Variants in RANBP2 observed in about 807,000 individuals in gnomAD.
RANBP2 encodes the protein RAN binding protein 2, also known as E3 SUMO-protein ligase RanBP2.
A neutral mutation model predicts 303.6 loss-of-function variants in RANBP2; 57 were observed. That is an observed-to-expected ratio of 0.19 (90% CI 0.15 to 0.23). RANBP2 has a LOEUF of 0.23. Among genes scored for constraint, RANBP2 ranks in the 10% least tolerant of loss-of-function variants. RANBP2 has a pLI of 1.00. For synonymous variants in RANBP2, 1,167 were observed against 1,301.5 expected (o/e 0.90, Z 2.23); for missense variants, 3,138 against 3,780.8 (o/e 0.83, Z 4.46).
chr2:108,734,899 A>T (rs576129850), intron 4 of RANBP2, among the ~76,000 whole-genome samples: 1 of 151,468 alleles, frequency 6.6e-6, no homozygotes, highest in South Asian at 2.1e-4. Context: ...ACAGAACGTT[A>T]AAAAAAAATT....
At chr2:109,290,036 ACAGGGGG>A in the RANBP2 span, among the ~76,000 whole-genome samples, 1 of 152,214 alleles carries the variant, frequency 6.6e-6, no homozygotes, top group African/African-American at 2.4e-5. Context: ...TTCTATAGGT[ACAGGGGG>A]ATGCCTGGAA....
In RANBP2 at chr2:108,770,881, G is replaced by A. The variant is rs188620897; in HGVS notation, c.7850-820G>A. The stretch of plus-strand genomic sequence containing the variant: ...TGATTTGGACTAGCCACCTTGTGAG[G>A]TTTTAATAGAATGTGGCTAGGCTAC... On this transcript the variant is annotated intron_variant, in intron 20 of 28. Transcript: ENST00000283195. Among the ~76,000 whole-genome samples, 5 of 152,176 alleles carry A rather than the reference G, an allele frequency of 3.3e-5. No individual in the cohort carries two copies. The East Asian group carries it at 7.7e-4, about 24-fold the overall frequency.
At chr2:108,790,707 TAAATA>T (rs1333237995), downstream of RANBP2, among the ~76,000 whole-genome samples, 2 of 152,084 alleles carry the variant, frequency 1.3e-5, no homozygotes, top group African/African-American at 4.8e-5. Flanking sequence ...TCTCAAAAAA[TAAATA>T]AATAGGCATG....
At chr2:109,336,493 G>A in the RANBP2 span, among the ~76,000 whole-genome samples, 31 of 152,108 alleles carry the variant, frequency 2.0e-4, 2 homozygotes, top group Middle Eastern at 0.014. Context: ...CGGCTAGCAC[G>A]TGCTGAGGAC....
At chr2:109,686,435 C>T in the RANBP2 span, among the ~76,000 whole-genome samples, 3 of 152,290 alleles carry the variant, frequency 2.0e-5, no homozygotes, top group East Asian at 3.9e-4. Context: ...CTGCCTCAGC[C>T]TTTCGAGTAG....
chr2:109,162,712 C>A, the RANBP2 span, among the ~76,000 whole-genome samples: 16 of 152,340 alleles, frequency 1.1e-4, no homozygotes, highest in Middle Eastern at 3.4e-3. Flanking sequence ...TTTATAGCTG[C>A]ATGATTTATA....
chr2:109,629,302 G>GATAGATAGATAT, the RANBP2 span, among the ~76,000 whole-genome samples: 1 of 77,706 alleles, frequency 1.3e-5, no homozygotes, highest in Non-Finnish European at 2.2e-5. Context: ...CTGGCCTAAA[G>GATAGATAGATAT]ATATATATAT....
the RANBP2 span, among the ~76,000 whole-genome samples, chr2:109,183,225 G>A: frequency 1.3e-5 from 2 of 152,174 alleles, no homozygotes; most frequent in African/African-American, 4.8e-5. Context: ...CTTGTATACT[G>A]ATTCTCAAAA....
chr2:109,587,026 T>A, the RANBP2 span, among the ~76,000 whole-genome samples: 1 of 152,214 alleles, frequency 6.6e-6, no homozygotes, highest in East Asian at 1.9e-4. Flanking sequence ...TGATTCACAG[T>A]CAAGAAAGAA....
chr2:109,401,395 T>A, the RANBP2 span, among the ~76,000 whole-genome samples: 1 of 152,176 alleles, frequency 6.6e-6, no homozygotes, highest in Non-Finnish European at 1.5e-5. Flanking sequence ...GTCTCCTTCC[T>A]CCTAGAAGAG....
At chr2:109,428,522 C>T in the RANBP2 span, among the ~76,000 whole-genome samples, 1 of 152,226 alleles carries the variant, frequency 6.6e-6, no homozygotes, top group Middle Eastern at 3.2e-3. Flanking sequence ...CCCCTGGCCC[C>T]ATGCCTGACT....
chr2:109,428,048 G>A, the RANBP2 span, among the ~76,000 whole-genome samples: 3,151 of 152,336 alleles, frequency 0.021, 43 homozygotes, highest in Middle Eastern at 0.058. Flanking sequence ...CTGGCCTCCA[G>A]TGCAGCCCCT....
chr2:109,649,589 G>A, the RANBP2 span, among the ~76,000 whole-genome samples: 1 of 151,898 alleles, frequency 6.6e-6, no homozygotes, highest in Non-Finnish European at 1.5e-5. Flanking sequence ...GTAGAGATGG[G>A]GTTTCACCAT....
At chr2:109,410,831 G>T in the RANBP2 span, among the ~76,000 whole-genome samples, 1 of 143,802 alleles carries the variant, frequency 7.0e-6, no homozygotes, top group Non-Finnish European at 1.5e-5. Context: ...GCTGCACTTG[G>T]CTTTGAAGTC....
the RANBP2 span, among the ~76,000 whole-genome samples, chr2:109,138,120 ATTC>A: frequency 6.6e-6 from 1 of 152,166 alleles, no homozygotes; most frequent in African/African-American, 2.4e-5. Context: ...GGTTCAAGCT[ATTC>A]TTCTGCCTCA....
At chr2:109,467,252 T>G in the RANBP2 span, among the ~76,000 whole-genome samples, 1 of 152,206 alleles carries the variant, frequency 6.6e-6, no homozygotes, top group African/African-American at 2.4e-5. Context: ...AATCAGCTGA[T>G]GAATGCATGC....
the RANBP2 span, among the ~76,000 whole-genome samples, chr2:109,629,408 T>C: frequency 6.9e-6 from 1 of 144,434 alleles, no homozygotes; most frequent in African/African-American, 2.6e-5. Context: ...GCTTGAAAAA[T>C]TGTAAATCTT....
At chr2:108,844,181 C>G in the RANBP2 span, among the ~76,000 whole-genome samples, 1 of 151,908 alleles carries the variant, frequency 6.6e-6, no homozygotes, top group African/African-American at 2.4e-5. Context: ...CTTTTTCAGC[C>G]CTACCTGATT....
chr2:108,778,106 A>G (rs955055198), intron 25 of RANBP2, among the ~76,000 whole-genome samples: 3 of 152,196 alleles, frequency 2.0e-5, no homozygotes, highest in African/African-American at 7.2e-5. Flanking sequence ...TAAATAAGCA[A>G]TATAGTAGGT....
Sources: gnomAD v4.1 joint callset for allele counts (sites outside exome capture counted in the v4.1 genomes callset) on GRCh38, gnomAD v4.1.1 for gene constraint, MANE v1.5 for transcripts, NCBI Gene and HGNC (gene_info 2026-07-23, HGNC 2026-07-21) for gene names.